The following PEX14 variants were observed in gnomAD, a reference collection of about 807,000 sequenced individuals.
PEX14 encodes peroxisomal membrane protein PEX14.
A neutral mutation model predicts 49.5 loss-of-function variants in PEX14; 15 were observed. The observed-to-expected ratio is 0.30, with a 90% CI of 0.20 to 0.47. The LOEUF (loss-of-function observed/expected upper bound fraction) is 0.47, where lower values mean the gene tolerates loss of function less well. Ranked by LOEUF, PEX14 falls within the 20% of genes least tolerant of loss-of-function variation. PEX14 has a pLI of 1.00. For missense variants in PEX14, 398 were observed against 494.8 expected (o/e 0.80, Z 1.86); for synonymous variants, 210 against 212.7 (o/e 0.99, Z 0.11).
At chr1:10,508,579 C>T (rs1980932) in intron 2 of PEX14, among the ~76,000 whole-genome samples, 2 of 152,136 alleles carry the variant, frequency 1.3e-5, no homozygotes, top group Non-Finnish European at 2.9e-5. Context: ...CTCCCTCCCC[C>T]CCAGAAGTGC....
Position 10,627,343 on chromosome 1 carries a change from G to A in PEX14, c.657G>A (p.Leu219=), listed in dbSNP as rs1480817199. ...AACTCAAGTCCGAAATTAACTCCTTGAAAGGGCTTCTTTTAAATCGGTAGG... is the reference window on the plus strand; with the variant it reads ...AACTCAAGTCCGAAATTAACTCCTTAAAAGGGCTTCTTTTAAATCGGTAGG... ...INELKSEINS[L]KGLLLNRRQF... Residue 219 remains leucine, a synonymous_variant, in exon 8 of 9, where the codon TTG becomes TTA. Transcript: ENST00000356607. 2.5e-6 allele frequency: 4 copies of A among 1,611,262 alleles called. No individual in the cohort carries two copies. The South Asian group carries it at 4.4e-5, about 18-fold the overall frequency.
intron 4 of PEX14, among the ~76,000 whole-genome samples, chr1:10,608,355 A>G (rs994266626): frequency 1.3e-5 from 2 of 152,198 alleles, no homozygotes; most frequent in Non-Finnish European, 2.9e-5. Context: ...GCATTGAGTT[A>G]CATGTCTATA....
At chr1:10,523,930 A>G (rs1166105375) in intron 2 of PEX14, among the ~76,000 whole-genome samples, 1 of 152,096 alleles carries the variant, frequency 6.6e-6, no homozygotes, top group Non-Finnish European at 1.5e-5. Context: ...ATAATGAAAT[A>G]TAAAAAATAC....
At chr1:10,489,539 A>G (rs1003363338) in intron 1 of PEX14, among the ~76,000 whole-genome samples, 2 of 152,168 alleles carry the variant, frequency 1.3e-5, no homozygotes, top group African/African-American at 2.4e-5. Context: ...GGGACTCATG[A>G]TTCCCCTGAG....
In PEX14 at chr1:10,484,533, T is replaced by TTGA. The variant is rs1419381068; in HGVS notation, c.36+9533_36+9535dup. Among the ~76,000 whole-genome samples, 4 of 151,976 alleles carry TTGA rather than the reference T, an allele frequency of 2.6e-5. No homozygotes were observed. In the East Asian group the frequency reaches 7.7e-4, roughly 29 times the overall value. ...GTATGGATGGCTATATCTCAATTTG[T>TTGA]TGATCTGTTCACCAGTTGATGGACA... On this transcript the variant is annotated intron_variant, in intron 1 of 8. Coordinates refer to ENST00000356607, the MANE Select transcript of PEX14 (RefSeq NM_004565.3).
intron 2 of PEX14, among the ~76,000 whole-genome samples, chr1:10,496,532 C>T (rs1192956769): frequency 3.3e-5 from 5 of 152,116 alleles, no homozygotes; most frequent in East Asian, 1.9e-4. Flanking sequence ...CACCATAGGC[C>T]GCTGCAGTCC....
chr1:10,582,333 G>A (rs1045369348), intron 3 of PEX14, among the ~76,000 whole-genome samples: 4 of 152,144 alleles, frequency 2.6e-5, no homozygotes, highest in African/African-American at 9.7e-5. Context: ...ACTATGGGTT[G>A]ATCAGTATTT....
At chr1:10,544,733 C>G (rs910872773) in intron 3 of PEX14, among the ~76,000 whole-genome samples, 18 of 150,698 alleles carry the variant, frequency 1.2e-4, no homozygotes, top group Non-Finnish European at 1.8e-4. Context: ...ATGCATTGAT[C>G]TGCTATCACT....
chr1:10,547,976 G>T (rs780744540), intron 3 of PEX14, among the ~76,000 whole-genome samples: 3 of 152,180 alleles, frequency 2.0e-5, no homozygotes, highest in Non-Finnish European at 4.4e-5. Context: ...AGCACTTTGG[G>T]AGGCTGAGGC....
intron 2 of PEX14, among the ~76,000 whole-genome samples, chr1:10,523,592 A>G (rs1395725796): frequency 1.3e-5 from 2 of 151,694 alleles, no homozygotes. Flanking sequence ...GAGTGGGGAC[A>G]TAAGAGGCCA....
At chr1:10,515,203 A>G (rs1022292913) in intron 2 of PEX14, among the ~76,000 whole-genome samples, 1 of 152,238 alleles carries the variant, frequency 6.6e-6, no homozygotes, top group African/African-American at 2.4e-5. Flanking sequence ...CAGACTCTTA[A>G]TACATTAAAA....
intron 2 of PEX14, among the ~76,000 whole-genome samples, chr1:10,498,989 G>T (rs1187790545): frequency 6.6e-6 from 1 of 152,216 alleles, no homozygotes; most frequent in Non-Finnish European, 1.5e-5. Context: ...TCTGGATCCA[G>T]CTTCTTGTGC....
At position 10,597,173 on chromosome 1, in the gene PEX14, T is replaced by C. The variant is rs1640852934; in HGVS notation, c.170-2065T>C. ...CCAAAAGGGAAAATGAGAATGCAAC[T>C]GAATGCTCCTTTTGGGAAAATTATC... is the stretch of plus-strand genomic sequence containing the variant. On this transcript the variant is annotated intron_variant, in intron 3 of 8. Coordinates refer to ENST00000356607, the MANE Select transcript of PEX14 (RefSeq NM_004565.3). This position sits in a 1 kb window ranked among gnomAD's most constrained non-coding sequence, Gnocchi z 5.7. 6.6e-6 allele frequency among the ~76,000 whole-genome samples: 1 copy of C among 152,250 alleles called. No homozygotes were observed. Among genetic ancestry groups the C allele is most frequent in the South Asian group, 2.1e-4 (1 of 4,830 alleles).
chr1:10,475,176 C>A (rs985748632), intron 1 of PEX14, among the ~76,000 whole-genome samples, 174 bp downstream of exon 1: 1 of 152,008 alleles, frequency 6.6e-6, no homozygotes, highest in Non-Finnish European at 1.5e-5. Flanking sequence ...GCCCCTCCCC[C>A]CGGTGACCCC....
At chr1:10,524,758 A>G (rs1638418001) in intron 2 of PEX14, among the ~76,000 whole-genome samples, 1 of 152,188 alleles carries the variant, frequency 6.6e-6, no homozygotes, top group Non-Finnish European at 1.5e-5. Context: ...AAGCAGTACA[A>G]TCATAGCTCA....
intron 2 of PEX14, among the ~76,000 whole-genome samples, chr1:10,507,287 C>G (rs1641800453): frequency 6.6e-6 from 1 of 152,240 alleles, no homozygotes; most frequent in Non-Finnish European, 1.5e-5. Context: ...GCGGTGTGGA[C>G]CGCGCTGTCA....
chr1:10,556,848 T>C (rs1639504953), intron 3 of PEX14, among the ~76,000 whole-genome samples: 1 of 152,188 alleles, frequency 6.6e-6, no homozygotes, highest in African/African-American at 2.4e-5. Context: ...GTAATGGCAC[T>C]GGTGATTTTT....
intron 2 of PEX14, among the ~76,000 whole-genome samples, chr1:10,527,211 CAAAAAA>C (rs35749900): frequency 1.7e-5 from 2 of 117,696 alleles, no homozygotes; most frequent in Non-Finnish European, 3.4e-5. Context: ...GACTCTGTCT[CAAAAAA>C]AAAAAAAAAG....
rs1640820446 is a variant in PEX14 at position 10,595,885 on chromosome 1, T to C, written c.170-3353T>C. On this transcript the variant is annotated intron_variant, in intron 3 of 8. Coordinates refer to ENST00000356607, the MANE Select transcript of PEX14 (RefSeq NM_004565.3). ...AGAAGATGCCTTTTATAATCTAGCC[T>C]GTGCCTCAGCTTTCAGAGCCAAATA... 2.0e-5 allele frequency among the ~76,000 whole-genome samples: 3 copies of C among 152,220 alleles called. No individual in the cohort carries two copies. In the South Asian group the frequency reaches 6.2e-4, roughly 32 times the overall value.
Sources: allele counts gnomAD v4.1 joint callset (sites outside exome capture counted in the v4.1 genomes callset), GRCh38; gene constraint gnomAD v4.1.1; non-coding constraint Gnocchi (gnomAD v3.1); transcripts MANE v1.5; gene names NCBI Gene and HGNC (gene_info 2026-07-23, HGNC 2026-07-21).